The following SLC67A1 variants were observed in gnomAD, a reference collection of about 807,000 sequenced individuals.
SLC67A1 encodes solute carrier family 67 member 1.
chr11:2,900,210 G>A, the SLC67A1 span, among the ~76,000 whole-genome samples: 1 of 152,296 alleles, frequency 6.6e-6, no homozygotes, highest in African/African-American at 2.4e-5. Context: ...CAGAGGATCT[G>A]GGGACACGCA....
At chr11:2,916,970 GGCA>G in the SLC67A1 span, 2 of 575,464 alleles carry the variant, frequency 3.5e-6, no homozygotes, top group Non-Finnish European at 6.3e-6. Context: ...GGCCCAGAGA[GGCA>G]GGAAGGCCCA....
chr11:2,924,100 G>A, the SLC67A1 span, among the ~76,000 whole-genome samples: 2 of 152,324 alleles, frequency 1.3e-5, no homozygotes, highest in East Asian at 3.9e-4. This position sits in a 1 kb window ranked among gnomAD's most constrained non-coding sequence, Gnocchi z 8.6. Flanking sequence ...CTCCCGCTTG[G>A]CGAGTGCTGC....
At chr11:2,922,330 C>T in the SLC67A1 span, 5 of 1,540,696 alleles carry the variant, frequency 3.2e-6, no homozygotes, top group Non-Finnish European at 2.7e-6. Context: ...GGGGCCAGCT[C>T]TTCAGCAGGG....
chr11:2,925,055 C>T, the SLC67A1 span: 138 of 1,613,572 alleles, frequency 8.6e-5, no homozygotes, highest in Non-Finnish European at 1.1e-4. This position sits in a 1 kb window ranked among gnomAD's most constrained non-coding sequence, Gnocchi z 6.5. Context: ...CTGCTCCGAA[C>T]TCTGGGACCC....
At chr11:2,925,088 G>C in the SLC67A1 span, 4 of 1,613,792 alleles carry the variant, frequency 2.5e-6, no homozygotes, top group Non-Finnish European at 3.4e-6. This position sits in a 1 kb window ranked among gnomAD's most constrained non-coding sequence, Gnocchi z 6.5. Context: ...CTCCTGTACC[G>C]CAGCTTTGGC....
At chr11:2,900,692 CAAAAAA>C in the SLC67A1 span, among the ~76,000 whole-genome samples, 16 of 59,644 alleles carry the variant, frequency 2.7e-4, no homozygotes, top group South Asian at 8.4e-4. Flanking sequence ...GACTCCGTCT[CAAAAAA>C]AAAAAAAAAA....
the SLC67A1 span, among the ~76,000 whole-genome samples, chr11:2,913,877 C>T: frequency 6.6e-6 from 1 of 152,186 alleles, no homozygotes; most frequent in East Asian, 1.9e-4. Context: ...GCCCAGACTT[C>T]AGCAGAGGTT....
the SLC67A1 span, chr11:2,908,431 A>AC: frequency 8.8e-6 from 7 of 793,120 alleles, no homozygotes; most frequent in African/African-American, 8.9e-5. Flanking sequence ...CCCACACCGG[A>AC]CCCCCCTGGG....
At chr11:2,914,660 G>A in the SLC67A1 span, 1 of 976,908 alleles carries the variant, frequency 1.0e-6, no homozygotes, top group Admixed American at 6.2e-5. Flanking sequence ...CACCGCTCGA[G>A]GGCCTGGCTT....
chr11:2,917,052 T>TTAGGA, the SLC67A1 span: 2 of 320,780 alleles, frequency 6.2e-6, no homozygotes, highest in Admixed American at 6.2e-5. Flanking sequence ...CAGAGAGGCC[T>TTAGGA]GGGGAGGACC....
the SLC67A1 span, chr11:2,903,326 C>G: frequency 1.9e-6 from 3 of 1,610,614 alleles, no homozygotes; most frequent in Admixed American, 1.7e-5. Flanking sequence ...TCCTGGGTCT[C>G]CCTGCTGCGC....
the SLC67A1 span, chr11:2,903,449 C>T: frequency 6.2e-6 from 10 of 1,613,262 alleles, 1 homozygote; most frequent in South Asian, 9.9e-5. Context: ...CTGGCCGCCA[C>T]AGAACTTACC....
At chr11:2,915,257 G>T in the SLC67A1 span, 1 of 984,236 alleles carries the variant, frequency 1.0e-6, no homozygotes, top group South Asian at 4.7e-5. Flanking sequence ...ACGGATGCAG[G>T]TAAGTGTGTG....
At chr11:2,921,932 G>A in the SLC67A1 span, 1 of 653,616 alleles carries the variant, frequency 1.5e-6, no homozygotes, top group Non-Finnish European at 2.8e-6. Context: ...ACTGCTGGCG[G>A]AGTAGGGAGA....
At chr11:2,918,109 A>AC in the SLC67A1 span, 2 of 1,600,282 alleles carry the variant, frequency 1.2e-6, no homozygotes, top group Non-Finnish European at 1.7e-6. Context: ...AGTCCCAACT[A>AC]CTGCCCCAAC....
chr11:2,915,076 GGCA>G, the SLC67A1 span: 2 of 985,246 alleles, frequency 2.0e-6, no homozygotes. Context: ...GATTGGCGGG[GGCA>G]GCAGCACAGG....
chr11:2,916,993 G>A, the SLC67A1 span: 2 of 550,572 alleles, frequency 3.6e-6, no homozygotes, highest in Non-Finnish European at 6.6e-6. Flanking sequence ...AGACAGGGAA[G>A]GCGTTAGGAG....
the SLC67A1 span, among the ~76,000 whole-genome samples, chr11:2,900,164 G>C: frequency 1.3e-5 from 2 of 152,098 alleles, no homozygotes; most frequent in Non-Finnish European, 2.9e-5. Context: ...AGTCCCCAGG[G>C]CGGCCAGTGG....
At chr11:2,923,297 C>T in the SLC67A1 span, among the ~76,000 whole-genome samples, 5 of 151,796 alleles carry the variant, frequency 3.3e-5, no homozygotes, top group Admixed American at 3.3e-4. This position sits in a 1 kb window ranked among gnomAD's most constrained non-coding sequence, Gnocchi z 6.5. Context: ...ACACATCTGA[C>T]ACTCCATCCA....
Sources: allele counts gnomAD v4.1 joint callset (sites outside exome capture counted in the v4.1 genomes callset), GRCh38; gene constraint gnomAD v4.1.1; non-coding constraint Gnocchi (gnomAD v3.1); transcripts MANE v1.5; gene names NCBI Gene and HGNC (gene_info 2026-07-23, HGNC 2026-07-21).